Variants in MOB3B observed in about 807,000 individuals in gnomAD.
The protein encoded by MOB3B is MOB kinase activator 3B.
MOB3B carries 7 observed loss-of-function variants against 18.7 expected under a neutral mutation model. The observed-to-expected ratio is 0.37, with a 90% CI of 0.21 to 0.70. MOB3B has a LOEUF of 0.70. Among genes scored for constraint, MOB3B ranks in the 30% least tolerant of loss-of-function variants. The pLI is 0.52. For missense variants in MOB3B, 253 were observed against 281.3 expected (o/e 0.90, Z 0.72); for synonymous variants, 111 against 99.9 (o/e 1.11, Z -0.66).
chr9:27,490,876 G>A (rs573173246), intron 1 of MOB3B, among the ~76,000 whole-genome samples: 86 of 152,190 alleles, frequency 5.7e-4, no homozygotes, highest in Non-Finnish European at 4.4e-5. Context: ...GAGGGTCTGA[G>A]GAAAGCCCAG....
chr9:27,344,210 T>C (rs1241088639), intron 3 of MOB3B, among the ~76,000 whole-genome samples: 1 of 152,088 alleles, frequency 6.6e-6, no homozygotes, highest in Non-Finnish European at 1.5e-5. Context: ...AAAATCCTCA[T>C]AGGAGTTTTG....
chr9:27,375,287 C>T (rs748815578), intron 2 of MOB3B, among the ~76,000 whole-genome samples: 27 of 152,174 alleles, frequency 1.8e-4, no homozygotes, highest in Non-Finnish European at 3.8e-4. Context: ...TTTGGTTCTC[C>T]GTTTAACATA....
intron 1 of MOB3B, among the ~76,000 whole-genome samples, chr9:27,507,079 T>C (rs1422778667): frequency 1.3e-5 from 2 of 152,148 alleles, no homozygotes; most frequent in Non-Finnish European, 2.9e-5. Flanking sequence ...ACTGATACCA[T>C]TTGCTGTGTG....
intron 1 of MOB3B, among the ~76,000 whole-genome samples, chr9:27,495,199 C>A (rs1319268975): frequency 6.6e-6 from 1 of 151,988 alleles, no homozygotes; most frequent in Non-Finnish European, 1.5e-5. Context: ...GGCACAGTGG[C>A]ATACACCTAC....
At chr9:27,445,883 A>C (rs1040114450) in intron 2 of MOB3B, among the ~76,000 whole-genome samples, 6 of 152,168 alleles carry the variant, frequency 3.9e-5, no homozygotes, top group Non-Finnish European at 7.3e-5. Flanking sequence ...TGGGCAACAC[A>C]ATGAACACCT....
intron 3 of MOB3B, among the ~76,000 whole-genome samples, chr9:27,353,607 G>A (rs1464606070): frequency 6.6e-6 from 1 of 152,132 alleles, no homozygotes; most frequent in African/African-American, 2.4e-5. Flanking sequence ...AGAATGAGAA[G>A]GTCCTGGACC....
intron 3 of MOB3B, among the ~76,000 whole-genome samples, chr9:27,336,513 G>A (rs1014097470): frequency 6.6e-6 from 1 of 152,120 alleles, no homozygotes; most frequent in African/African-American, 2.4e-5. Context: ...TAAGGAGCAG[G>A]AGGACCCTTG....
chr9:27,522,106 G>C (rs919220698), intron 1 of MOB3B, among the ~76,000 whole-genome samples: 1 of 151,570 alleles, frequency 6.6e-6, no homozygotes, highest in African/African-American at 2.4e-5. Flanking sequence ...ACGAGACATG[G>C]TGACGCGTGC....
rs77039747 is a variant in MOB3B, at chr9:27,463,992, C to T, written c.-198-8244G>A. On this transcript the variant is annotated intron_variant, in intron 1 of 3. Coordinates refer to ENST00000262244, the MANE Select transcript of MOB3B (RefSeq NM_024761.5). ...AAAAAGAAAAAAATAATAAGGATAA[C>T]GGTTAATGGTGCTTACCTTTATTGT... Among the ~76,000 whole-genome samples, 1,308 of 152,054 alleles carry T rather than the reference C, an allele frequency of 8.6e-3. 21 individuals carry two copies. Among genetic ancestry groups the T allele is most frequent in the African/African-American group, 0.029 (1,221 of 41,450 alleles).
intron 3 of MOB3B, among the ~76,000 whole-genome samples, chr9:27,351,206 A>G (rs56380821): frequency 0.44 from 66,388 of 152,036 alleles, 14,986 homozygotes; most frequent in African/African-American, 0.53. Context: ...CCTGGCCCAC[A>G]GTGGGCTTTA....
In MOB3B at chr9:27,330,575, T is replaced by C. The variant is rs1820771821; in HGVS notation, c.*12A>G. On this transcript the variant is annotated 3_prime_UTR_variant, in exon 4 of 4. Coordinates refer to ENST00000262244, the MANE Select transcript of MOB3B (RefSeq NM_024761.5). ...AACAGCTTTCCTTTCTTCCAAAGGG[T>C]GAGGTGGAGCATTAGTGACACATCC... 6.2e-7 allele frequency: 1 copy of C among 1,613,424 alleles called. No homozygotes were observed. The highest frequency in any genetic ancestry group is 8.5e-7 in the Non-Finnish European group (1 of 1,179,838).
chr9:27,459,408 T>C (rs1329890405), intron 1 of MOB3B, among the ~76,000 whole-genome samples: 2 of 152,220 alleles, frequency 1.3e-5, no homozygotes, highest in African/African-American at 2.4e-5. Context: ...CTAAGTGATC[T>C]TGTTAGAAAT....
Position 27,328,331 on chromosome 9 carries a change from T to C in MOB3B, c.*2256A>G, listed in dbSNP as rs1820740054. The stretch of plus-strand genomic sequence containing the variant: ...TCAAGCAGAGGAGATAAAAATTGAC[T>C]GCAGAGATTTTCTTCAGAATGTGCC... On this transcript the variant is annotated 3_prime_UTR_variant, in exon 4 of 4. Coordinates refer to ENST00000262244, the MANE Select transcript of MOB3B (RefSeq NM_024761.5). 6.6e-6 allele frequency: 1 copy of C among 151,540 alleles called. No homozygotes were observed. Among genetic ancestry groups the C allele is most frequent in the South Asian group, 2.1e-4 (1 of 4,804 alleles). The allele number at this position is 151,540 out of a possible 1,614,324, so 9.4% of individuals were successfully genotyped here.
chr9:27,357,147 TG>T (rs1212220308), intron 3 of MOB3B, among the ~76,000 whole-genome samples: 3,674 of 74,346 alleles, frequency 0.049, 250 homozygotes, highest in African/African-American at 0.14. Context: ...TATATATATG[TG>T]TTTTTTTTTT....
intron 2 of MOB3B, among the ~76,000 whole-genome samples, chr9:27,447,886 C>T (rs1177996466): frequency 6.6e-6 from 1 of 152,174 alleles, no homozygotes; most frequent in African/African-American, 2.4e-5. Context: ...GAATAGACAA[C>T]TGAATAAACT....
intron 2 of MOB3B, among the ~76,000 whole-genome samples, chr9:27,428,893 G>A (rs991712728): frequency 1.3e-5 from 2 of 152,214 alleles, no homozygotes; most frequent in Admixed American, 6.5e-5. Flanking sequence ...GTCTGAGGAA[G>A]GGTACAAAGC....
At chr9:27,417,887 CCTTAGTACAACTTGGTGTACA>C (rs1334723081) in intron 2 of MOB3B, among the ~76,000 whole-genome samples, 11 of 152,016 alleles carry the variant, frequency 7.2e-5, no homozygotes, top group South Asian at 4.2e-4. Flanking sequence ...TTGGTGAAAC[CCTTAGTACAACTTGGTGTACA>C]CTTAGTACAA....
intron 2 of MOB3B, chr9:27,378,718 A>T (rs1224313608): frequency 2.1e-6 from 1 of 470,592 alleles, no homozygotes; most frequent in African/African-American, 2.0e-5. Context: ...TTGCATGTGC[A>T]TGGGCAGAGC....
chr9:27,359,299 T>C, intron 2 of MOB3B, 63 bp from the exon 3 acceptor site: 1 of 1,382,336 alleles, frequency 7.2e-7, no homozygotes, highest in Non-Finnish European at 9.9e-7. Flanking sequence ...TCCTCTTTCC[T>C]CTAATATGAA....
Sources: allele counts gnomAD v4.1 joint callset (sites outside exome capture counted in the v4.1 genomes callset), GRCh38; gene constraint gnomAD v4.1.1; transcripts MANE v1.5; gene names NCBI Gene and HGNC (gene_info 2026-07-23, HGNC 2026-07-21).